The following TSHR variants were observed in gnomAD, a reference collection of about 807,000 sequenced individuals.
TSHR encodes thyrotropin receptor.
Under a neutral mutation model 64.1 loss-of-function variants are expected in TSHR, and 51 were observed. That is an observed-to-expected ratio of 0.80 (90% CI 0.64 to 1.01). TSHR has a LOEUF of 1.01. TSHR is among the 50% of genes least tolerant of loss of function. The pLI is 0.00. For missense variants in TSHR, 877 were observed against 942.8 expected (o/e 0.93, Z 0.91); for synonymous variants, 361 against 361.9 (o/e 1.00, Z 0.03).
intron 8 of TSHR, among the ~76,000 whole-genome samples, chr14:81,114,768 T>A (rs978632735): frequency 6.6e-6 from 1 of 152,190 alleles, no homozygotes; most frequent in African/African-American, 2.4e-5. Flanking sequence ...CTCCGCAGAC[T>A]TAAATGTCCC....
chr14:81,063,209 C>T (rs1886365668), intron 2 of TSHR, among the ~76,000 whole-genome samples: 1 of 152,098 alleles, frequency 6.6e-6, no homozygotes, highest in Non-Finnish European at 1.5e-5. Context: ...CTTTGTTTTC[C>T]TTGATATTGC....
chr14:81,068,202 G>A (rs2139909200), intron 2 of TSHR, 52 bp from the exon 3 acceptor site: 1 of 1,564,224 alleles, frequency 6.4e-7, no homozygotes, highest in Non-Finnish European at 8.8e-7. Flanking sequence ...TATGTTTGAA[G>A]TTTACAACCT....
chr14:81,105,313 T>C, intron 7 of TSHR: 1 of 866,044 alleles, frequency 1.2e-6, no homozygotes, highest in Non-Finnish European at 1.4e-6. Flanking sequence ...GTATATGTAT[T>C]TCCCCTCCCC....
chr14:81,079,820 A>C (rs1245040845), intron 3 of TSHR, among the ~76,000 whole-genome samples: 3 of 150,558 alleles, frequency 2.0e-5, no homozygotes, highest in Non-Finnish European at 4.4e-5. Context: ...CGTGCTACAC[A>C]CTCCAGCCTG....
At chr14:80,966,449 G>C (rs1386716227) in intron 1 of TSHR, among the ~76,000 whole-genome samples, 2 of 151,926 alleles carry the variant, frequency 1.3e-5, no homozygotes, top group Non-Finnish European at 2.9e-5. Flanking sequence ...ATTGTAAAAT[G>C]TTCTTCCTTC....
At chr14:81,071,257 T>C (rs1418164115) in intron 3 of TSHR, among the ~76,000 whole-genome samples, 2 of 152,208 alleles carry the variant, frequency 1.3e-5, no homozygotes, top group Non-Finnish European at 2.9e-5. Context: ...TACTTAGAAG[T>C]AAAATGCTTT....
intron 1 of TSHR, among the ~76,000 whole-genome samples, chr14:81,055,917 G>A (rs1447746316): frequency 6.6e-6 from 1 of 152,114 alleles, no homozygotes; most frequent in Non-Finnish European, 1.5e-5. Context: ...GAGACTGTTG[G>A]GGAGGCATGA....
chr14:81,108,549 G>C, intron 8 of TSHR, 97 bp downstream of exon 8: 1 of 1,609,502 alleles, frequency 6.2e-7, no homozygotes, highest in Non-Finnish European at 8.5e-7. Flanking sequence ...TATGTTCAAG[G>C]GTAGAAAATG....
intron 7 of TSHR, among the ~76,000 whole-genome samples, chr14:81,100,252 A>AG (rs1288603200): frequency 2.6e-5 from 4 of 152,174 alleles, no homozygotes; most frequent in African/African-American, 9.7e-5. Context: ...CATATCAAAG[A>AG]GGGGGCCTTA....
chr14:81,083,205 A>T (rs8019031), intron 3 of TSHR, among the ~76,000 whole-genome samples: 4,400 of 152,216 alleles, frequency 0.029, 210 homozygotes, highest in African/African-American at 0.099. Flanking sequence ...GGAAAGCCAG[A>T]TGTCCTGTGC....
chr14:81,024,125 A>G (rs1265931535), intron 1 of TSHR, among the ~76,000 whole-genome samples: 2 of 152,120 alleles, frequency 1.3e-5, no homozygotes, highest in Admixed American at 1.3e-4. Context: ...AAACTATCAC[A>G]CCATCTTTTG....
At chr14:81,071,743 A>G (rs1054848725) in intron 3 of TSHR, among the ~76,000 whole-genome samples, 2 of 152,130 alleles carry the variant, frequency 1.3e-5, no homozygotes, top group African/African-American at 2.4e-5. Flanking sequence ...CTTGGATGAC[A>G]GAGAAAGAGC....
chr14:80,986,304 A>G lies in TSHR; in HGVS notation c.170+30454A>G, dbSNP rs569151478. 2.0e-5 allele frequency among the ~76,000 whole-genome samples: 3 copies of G among 152,320 alleles called. No homozygotes were observed. In the South Asian group the frequency reaches 6.2e-4, roughly 32 times the overall value. On this transcript the variant is annotated intron_variant, in intron 1 of 9. Coordinates refer to ENST00000298171, the MANE Select transcript of TSHR (RefSeq NM_000369.5). ...GTATTGAAGAGAGCTGGTAAAAAAT[A>G]CAGATAGAGAGAGATAGATAGAGAT...
At chr14:81,002,781 C>CTTTTTTTTTTTTTTTTTTT (rs1174635270) in intron 1 of TSHR, among the ~76,000 whole-genome samples, 13 of 44,318 alleles carry the variant, frequency 2.9e-4, no homozygotes, top group Middle Eastern at 0.02. Flanking sequence ...CCTAATGCCT[C>CTTTTTTTTTTTTTTTTTTT]TTTTTTTTTT....
intron 1 of TSHR, among the ~76,000 whole-genome samples, chr14:80,979,184 G>A (rs1272716923): frequency 2.6e-5 from 4 of 152,102 alleles, no homozygotes; most frequent in Non-Finnish European, 5.9e-5. Context: ...CATGTTAAGT[G>A]AAATTGGCCA....
At chr14:81,127,543 C>T (rs1250330364) in intron 8 of TSHR, among the ~76,000 whole-genome samples, 1 of 151,962 alleles carries the variant, frequency 6.6e-6, no homozygotes, top group East Asian at 1.9e-4. Context: ...TTGGCTGTGT[C>T]CCCACCCAAA....
At position 81,096,662 on chromosome 14, in the gene TSHR, C is replaced by T; in HGVS notation, c.569C>T (p.Thr190Ile). 1 of 1,613,872 alleles carries T rather than the reference C, an allele frequency of 6.2e-7. No homozygotes were observed. The highest frequency in any genetic ancestry group is 2.2e-5 in the East Asian group (1 of 44,868). Residue 190 changes from threonine to isoleucine, a missense_variant, in exon 7 of 10, where the codon ACT becomes ATT. Coordinates refer to ENST00000298171, the MANE Select transcript of TSHR (RefSeq NM_000369.5). ...AGGAAGCTGTACAACAATGGCTTTA[C>T]TTCAGTCCAAGGATATGCTTTCAAT... ...LTLKLYNNGF[T>I]SVQGYAFNGT...
chr14:81,061,346 A>G (rs1320583017), intron 1 of TSHR, among the ~76,000 whole-genome samples: 2 of 152,144 alleles, frequency 1.3e-5, no homozygotes, highest in East Asian at 3.8e-4. Flanking sequence ...GTTCGCACGA[A>G]TGTTCATTGT....
At chr14:81,104,510 C>G in intron 7 of TSHR, 1 of 985,408 alleles carries the variant, frequency 1.0e-6, no homozygotes, top group Non-Finnish European at 1.2e-6. Flanking sequence ...TAGATCACGT[C>G]TTTCTAAACC....
Sources: allele counts gnomAD v4.1 joint callset (sites outside exome capture counted in the v4.1 genomes callset), GRCh38; gene constraint gnomAD v4.1.1; transcripts MANE v1.5; gene names NCBI Gene and HGNC (gene_info 2026-07-23, HGNC 2026-07-21).